Variants in GABRG3 observed in about 807,000 individuals in gnomAD.
GABRG3 encodes the protein gamma-aminobutyric acid receptor subunit gamma-3.
A neutral mutation model predicts 48.8 loss-of-function variants in GABRG3; 25 were observed. The ratio of observed to expected loss-of-function variants is 0.51; its 90% CI spans 0.37 to 0.72. The LOEUF (loss-of-function observed/expected upper bound fraction) is 0.72, where lower values mean the gene tolerates loss of function less well. Ranked by LOEUF, GABRG3 falls within the 30% of genes least tolerant of loss-of-function variation. The pLI, the probability that GABRG3 is intolerant of heterozygous loss-of-function variation, is 0.00. For synonymous variants in GABRG3, 227 were observed against 217.6 expected, an observed-to-expected ratio of 1.04 and a Z score of -0.38; for missense variants, 394 against 577.9, an observed-to-expected ratio of 0.68 and a Z score of 3.26.
intron 3 of GABRG3, among the ~76,000 whole-genome samples, chr15:27,130,031 C>A (rs1897889135): frequency 6.6e-6 from 1 of 152,042 alleles, no homozygotes; most frequent in Non-Finnish European, 1.5e-5. Context: ...TTGATAGGGA[C>A]TTTTGATGCA....
At chr15:27,061,744 C>T (rs1161606221) in intron 3 of GABRG3, among the ~76,000 whole-genome samples, 1 of 152,126 alleles carries the variant, frequency 6.6e-6, no homozygotes, top group Non-Finnish European at 1.5e-5. Context: ...CCAGCTTTGA[C>T]CCTGACTTAG....
chr15:27,413,797 G>A (rs903334640), intron 5 of GABRG3, among the ~76,000 whole-genome samples: 5 of 151,944 alleles, frequency 3.3e-5, no homozygotes, highest in South Asian at 2.1e-4. Context: ...TTCATCTTTC[G>A]AACAACTATT....
intron 5 of GABRG3, chr15:27,362,258 T>C (rs1253269420): frequency 3.3e-5 from 5 of 152,254 alleles, no homozygotes; most frequent in African/African-American, 1.2e-4. Context: ...CTGTCTGTTT[T>C]GCTCATGATC....
intron 3 of GABRG3, among the ~76,000 whole-genome samples, chr15:27,309,059 CAT>C (rs200037287): frequency 4.2e-4 from 63 of 149,514 alleles, no homozygotes; most frequent in African/African-American, 9.6e-4. Context: ...TATAGAAACA[CAT>C]ATAATGTAAA....
chr15:27,425,189 C>T lies in GABRG3; in HGVS notation c.575-55461C>T, dbSNP rs186424081. ...TGGCTTGTTGACTGCTGGACCCTGC[C>T]GTATGTACTTGTGCCCTGGGCTGAC... On this transcript the variant is annotated intron_variant, in intron 5 of 9. Transcript: ENST00000615808. Among the ~76,000 whole-genome samples, 12 of 152,182 alleles carry T rather than the reference C, an allele frequency of 7.9e-5. No individual in the cohort carries two copies. The East Asian group carries it at 1.7e-3, about 22-fold the overall frequency.
chr15:27,185,905 A>G (rs532589829), intron 3 of GABRG3, among the ~76,000 whole-genome samples: 2 of 151,826 alleles, frequency 1.3e-5, no homozygotes, highest in Non-Finnish European at 2.9e-5. Flanking sequence ...CTTTCAACCT[A>G]CTTACACTGT....
chr15:27,512,749 G>A (rs1890925079), intron 6 of GABRG3, among the ~76,000 whole-genome samples: 2 of 152,156 alleles, frequency 1.3e-5, no homozygotes, highest in Non-Finnish European at 1.5e-5. Flanking sequence ...ACTGCTCAAG[G>A]GCAAAGCCCA....
chr15:27,427,126 A>G (rs1888316390), intron 5 of GABRG3, among the ~76,000 whole-genome samples: 1 of 152,236 alleles, frequency 6.6e-6, no homozygotes, highest in South Asian at 2.1e-4. Flanking sequence ...TATAGGATTT[A>G]TGATGGTGTT....
intron 3 of GABRG3, among the ~76,000 whole-genome samples, chr15:27,124,679 G>T (rs753483756): frequency 2.0e-5 from 3 of 152,186 alleles, no homozygotes; most frequent in Non-Finnish European, 4.4e-5. Context: ...TACCAGGGAA[G>T]CAGGGGAGTA....
chr15:27,120,265 G>C (rs987806454), intron 3 of GABRG3, among the ~76,000 whole-genome samples: 5 of 152,172 alleles, frequency 3.3e-5, no homozygotes, highest in Non-Finnish European at 5.9e-5. Flanking sequence ...CAGTTGCATT[G>C]CTACTCATCT....
chr15:27,416,076 C>T (rs1887932424), intron 5 of GABRG3, among the ~76,000 whole-genome samples: 1 of 152,228 alleles, frequency 6.6e-6, no homozygotes, highest in African/African-American at 2.4e-5. Context: ...ATATCCTTAA[C>T]TTGAGCAAAG....
intron 6 of GABRG3, among the ~76,000 whole-genome samples, chr15:27,509,709 A>G (rs1338209471): frequency 2.0e-5 from 3 of 152,100 alleles, no homozygotes; most frequent in African/African-American, 7.2e-5. Context: ...TATAATTTCC[A>G]TTGATCTGCT....
intron 6 of GABRG3, among the ~76,000 whole-genome samples, chr15:27,519,681 C>G (rs1418154307): frequency 1.3e-5 from 2 of 152,148 alleles, no homozygotes; most frequent in African/African-American, 4.8e-5. Flanking sequence ...GATAATAGCT[C>G]ATCAACTCAT....
intron 5 of GABRG3, among the ~76,000 whole-genome samples, chr15:27,446,718 C>A (rs1398470401): frequency 6.6e-6 from 1 of 151,848 alleles, no homozygotes. Context: ...TTTGGGAATT[C>A]TTGTTGATCT....
intron 5 of GABRG3, among the ~76,000 whole-genome samples, chr15:27,385,677 A>G (rs1895901043): frequency 1.3e-5 from 2 of 152,078 alleles, no homozygotes; most frequent in African/African-American, 2.4e-5. Flanking sequence ...GTAAATGTCT[A>G]ATTTTATTTA....
At chr15:27,444,818 A>G (rs563317274) in intron 5 of GABRG3, among the ~76,000 whole-genome samples, 5 of 152,140 alleles carry the variant, frequency 3.3e-5, no homozygotes, top group East Asian at 1.9e-4. Flanking sequence ...TCATTCATCA[A>G]TTGATGCACA....
At chr15:27,215,725 G>A (rs1270603861) in intron 3 of GABRG3, among the ~76,000 whole-genome samples, 1 of 152,194 alleles carries the variant, frequency 6.6e-6, no homozygotes, top group African/African-American at 2.4e-5. Context: ...CGAGTCAGGG[G>A]TGTGGGTCAT....
intron 2 of GABRG3, among the ~76,000 whole-genome samples, chr15:27,004,553 G>A (rs191122527): frequency 0.011 from 1,620 of 152,142 alleles, 31 homozygotes; most frequent in African/African-American, 0.037. Context: ...GGTGGCGGCC[G>A]GGCAGAGGCT....
chr15:27,429,318 G>A (rs1888380603), intron 5 of GABRG3, among the ~76,000 whole-genome samples: 1 of 152,188 alleles, frequency 6.6e-6, no homozygotes, highest in South Asian at 2.1e-4. Flanking sequence ...CCTTGGGTAG[G>A]CTTACATGGC....
Sources: gnomAD v4.1 joint callset for allele counts (sites outside exome capture counted in the v4.1 genomes callset) on GRCh38, gnomAD v4.1.1 for gene constraint, MANE v1.5 for transcripts, NCBI Gene and HGNC (gene_info 2026-07-23, HGNC 2026-07-21) for gene names.